Variants in SUGCT observed in about 807,000 individuals in gnomAD.
SUGCT encodes the protein succinyl-CoA:glutarate CoA-transferase.
In SUGCT, 41 loss-of-function variants were observed where a neutral mutation model predicts 55.0. The observed-to-expected ratio is 0.74, with a 90% CI of 0.58 to 0.97. The LOEUF is 0.97. SUGCT is among the 50% of genes least tolerant of loss of function. The pLI, the probability that SUGCT is intolerant of heterozygous loss-of-function variation, is 0.00. For synonymous variants in SUGCT, 187 were observed against 200.4 expected (o/e 0.93, Z 0.56); for missense variants, 568 against 547.8 (o/e 1.04, Z -0.37).
intron 9 of SUGCT, among the ~76,000 whole-genome samples, chr7:40,417,924 T>G (rs371160170): frequency 6.6e-6 from 1 of 152,072 alleles, no homozygotes; most frequent in Admixed American, 6.6e-5. Context: ...TATTTAACAT[T>G]ATTTAACTTT....
At position 40,482,615 on chromosome 7, in the gene SUGCT, C is replaced by T. The variant is rs73308215; in HGVS notation, c.987-13669C>T. Among the ~76,000 whole-genome samples the T allele has an allele frequency of 9.4e-3, 1,431 of 152,218 alleles. 25 individuals are homozygous for T. The highest frequency in any genetic ancestry group is 0.032 in the African/African-American group (1,334 of 41,532). On this transcript the variant is annotated intron_variant, in intron 11 of 13. Transcript: ENST00000335693. ...TCTGGTGTGAGGTGTGACCAGACGT[C>T]GGTAATGTGGGTAACTTTCCTATAT...
At chr7:40,459,417 C>A (rs1172983006) in intron 11 of SUGCT, among the ~76,000 whole-genome samples, 1 of 151,924 alleles carries the variant, frequency 6.6e-6, no homozygotes, top group Non-Finnish European at 1.5e-5. Flanking sequence ...AGTACTGAGT[C>A]ATAACAATGA....
the SUGCT span, among the ~76,000 whole-genome samples, chr7:41,025,138 G>A: frequency 2.6e-5 from 4 of 152,120 alleles, no homozygotes; most frequent in Non-Finnish European, 5.9e-5. Flanking sequence ...ACCATTGATA[G>A]GAAAGTTATA....
At chr7:40,558,705 A>ACATTGAG (rs1326494081) in intron 12 of SUGCT, among the ~76,000 whole-genome samples, 2 of 152,234 alleles carry the variant, frequency 1.3e-5, no homozygotes, top group African/African-American at 4.8e-5. Flanking sequence ...TAACTGCACA[A>ACATTGAG]CATTGAGAAT....
chr7:40,656,696 A>G (rs1801032500), intron 12 of SUGCT, among the ~76,000 whole-genome samples: 1 of 152,192 alleles, frequency 6.6e-6, no homozygotes, highest in Non-Finnish European at 1.5e-5. Context: ...TAAAATGAGG[A>G]ATGTCTGCAA....
chr7:40,262,655 ACT>A (rs1159005839), intron 7 of SUGCT, among the ~76,000 whole-genome samples: 3 of 151,434 alleles, frequency 2.0e-5, no homozygotes, highest in African/African-American at 4.9e-5. Context: ...ACAGAGCAAG[ACT>A]CTCTCTCAAA....
rs187551583 is a variant in SUGCT, at chr7:40,841,422, A to G, written c.1154-18894A>G. 2.3e-4 allele frequency among the ~76,000 whole-genome samples: 35 copies of G among 152,234 alleles called. No individual in the cohort carries two copies. The East Asian group carries it at 6.6e-3, about 29-fold the overall frequency. On this transcript the variant is annotated intron_variant, in intron 13 of 13. Coordinates refer to ENST00000335693, the MANE Select transcript of SUGCT (RefSeq NM_001193313.2). ...GATGACGACAACTAAATTGATGTTT[A>G]TCTTTGTGCTATCTTGTTAAAGACA...
chr7:40,370,045 T>C (rs999912133), intron 9 of SUGCT, among the ~76,000 whole-genome samples: 2 of 152,134 alleles, frequency 1.3e-5, no homozygotes, highest in Non-Finnish European at 2.9e-5. Context: ...TGAGACACTC[T>C]GGGTATGTTG....
At chr7:40,533,995 G>A (rs1794227010) in intron 12 of SUGCT, among the ~76,000 whole-genome samples, 1 of 152,118 alleles carries the variant, frequency 6.6e-6, no homozygotes, top group South Asian at 2.1e-4. Context: ...AGACATATGT[G>A]ACATTCGAAA....
At chr7:40,854,792 C>G (rs1279861376) in intron 13 of SUGCT, among the ~76,000 whole-genome samples, 1 of 151,660 alleles carries the variant, frequency 6.6e-6, no homozygotes, top group Non-Finnish European at 1.5e-5. Context: ...TTAAATTAGC[C>G]TGCTGTGGTG....
At chr7:40,787,167 A>G (rs1790054495) in intron 13 of SUGCT, among the ~76,000 whole-genome samples, 1 of 152,200 alleles carries the variant, frequency 6.6e-6, no homozygotes, top group Non-Finnish European at 1.5e-5. Flanking sequence ...ACCAGTGTGT[A>G]GCACACTAAC....
intron 12 of SUGCT, among the ~76,000 whole-genome samples, chr7:40,619,530 GT>G (rs1799167622): frequency 6.6e-6 from 1 of 151,644 alleles, no homozygotes; most frequent in South Asian, 2.1e-4. Context: ...GAATTTTTTT[GT>G]TTGACAGTTT....
At chr7:40,288,758 A>G (rs2151040501) in intron 8 of SUGCT, among the ~76,000 whole-genome samples, 1 of 152,242 alleles carries the variant, frequency 6.6e-6, no homozygotes, top group Non-Finnish European at 1.5e-5. Context: ...TTCCTTTCAA[A>G]ATGTAAAATT....
At chr7:40,549,898 A>G (rs1021000328) in intron 12 of SUGCT, among the ~76,000 whole-genome samples, 4 of 152,196 alleles carry the variant, frequency 2.6e-5, no homozygotes, top group African/African-American at 9.7e-5. Context: ...CTGTCCTAGA[A>G]CAATTGAGAA....
chr7:40,458,407 T>C (rs951702685), intron 10 of SUGCT, among the ~76,000 whole-genome samples: 5 of 152,200 alleles, frequency 3.3e-5, no homozygotes, highest in African/African-American at 1.2e-4. Flanking sequence ...TTTCCCCTTA[T>C]TGAGGAGGAG....
downstream of SUGCT, among the ~76,000 whole-genome samples, chr7:40,862,855 T>C (rs1054055259): frequency 2.0e-4 from 30 of 152,262 alleles, no homozygotes; most frequent in South Asian, 1.0e-3. Context: ...AAATGAATAT[T>C]GATCAACTTT....
intron 12 of SUGCT, among the ~76,000 whole-genome samples, chr7:40,733,973 A>G (rs903254888): frequency 9.9e-5 from 15 of 152,246 alleles, no homozygotes; most frequent in African/African-American, 3.4e-4. Flanking sequence ...AAGGAAGCAG[A>G]TGTTAATGTT....
At chr7:40,446,878 C>T (rs1007937920) in intron 9 of SUGCT, among the ~76,000 whole-genome samples, 2 of 152,200 alleles carry the variant, frequency 1.3e-5, no homozygotes, top group African/African-American at 4.8e-5. Flanking sequence ...CCACTAGCCA[C>T]ACGTGGCTAT....
At chr7:40,838,829 T>C (rs371619995) in intron 13 of SUGCT, among the ~76,000 whole-genome samples, 7 of 152,210 alleles carry the variant, frequency 4.6e-5, no homozygotes, top group East Asian at 3.8e-4. Context: ...TTGTTTCTAA[T>C]CTTAAAGTAT....
Sources: gnomAD v4.1 joint callset for allele counts (sites outside exome capture counted in the v4.1 genomes callset) on GRCh38, gnomAD v4.1.1 for gene constraint, MANE v1.5 for transcripts, NCBI Gene and HGNC (gene_info 2026-07-23, HGNC 2026-07-21) for gene names.